The following USP54 variants were observed in gnomAD, a reference collection of about 807,000 sequenced individuals.
USP54 encodes ubiquitin carboxyl-terminal hydrolase 54.
USP54 carries 87 observed loss-of-function variants against 170.5 expected under a neutral mutation model. That is an observed-to-expected ratio of 0.51 (90% CI 0.43 to 0.61). The LOEUF (loss-of-function observed/expected upper bound fraction) is 0.61, where lower values mean the gene tolerates loss of function less well. USP54 is among the 20% of genes least tolerant of loss of function. The pLI, the probability that USP54 is intolerant of heterozygous loss-of-function variation, is 0.00. For synonymous variants in USP54, 655 were observed against 742.8 expected, an observed-to-expected ratio of 0.88 and a Z score of 1.92; for missense variants, 1,786 against 2,047.8, an observed-to-expected ratio of 0.87 and a Z score of 2.47.
chr10:73,517,518 G>A lies in USP54; in HGVS notation c.2908C>T (p.His970Tyr). 1.9e-6 allele frequency: 3 copies of A among 1,614,204 alleles called. No homozygotes were observed. Among genetic ancestry groups the A allele is most frequent in the Non-Finnish European group, 2.5e-6 (3 of 1,180,036 alleles). ...GGTGCTTTAGGTAAACCTTGCCTGT[G>A]GAATGCAGAGGGTTCAATGTTGTCT... ...EVDNIEPSAF[H>Y]RQGLPKAPGW... The change falls in exon 20 of 24, where the codon CAC (histidine) becomes TAC (tyrosine). Residue 970 changes from histidine (H) to tyrosine (Y), a missense_variant. His to Tyr is a moderately conservative substitution (Grantham distance 83). Transcript: ENST00000687698.
chr10:73,533,293 G>A (rs921670466), intron 12 of USP54, among the ~76,000 whole-genome samples: 1 of 151,160 alleles, frequency 6.6e-6, no homozygotes, highest in African/African-American at 2.4e-5. Context: ...GCGACAGAGC[G>A]ACTCCAACTC....
At chr10:73,539,305 AAAAT>A in intron 10 of USP54, 135 bp downstream of exon 10, 2 of 335,774 alleles carry the variant, frequency 6.0e-6, no homozygotes, top group Non-Finnish European at 8.6e-6. Context: ...AAAAAAAAAA[AAAAT>A]ATATATATAT....
intron 11 of USP54, 51 bp from the exon 12 acceptor site, chr10:73,534,821 G>C (rs2064894736): frequency 6.4e-7 from 1 of 1,551,340 alleles, no homozygotes; most frequent in African/African-American, 1.4e-5. Context: ...CAGAACAGTA[G>C]CAAAGAGAAG....
intron 12 of USP54, among the ~76,000 whole-genome samples, chr10:73,531,822 T>A (rs923227014): frequency 6.6e-6 from 1 of 152,188 alleles, no homozygotes; most frequent in African/African-American, 2.4e-5. Flanking sequence ...TTCATGCCCA[T>A]AGTATGCAAA....
At position 73,618,895 on chromosome 10, in the gene USP54, A is replaced by G. The variant is rs906720606; in HGVS notation, c.-18+6672T>C. Among the ~76,000 whole-genome samples, 11 of 150,050 alleles carry G rather than the reference A, an allele frequency of 7.3e-5. 2 individuals carry two copies. Among genetic ancestry groups the G allele is most frequent in the African/African-American group, 2.8e-4 (11 of 39,486 alleles). On this transcript the variant is annotated intron_variant, in intron 1 of 22. Coordinates refer to the USP54 transcript ENST00000339859. Reference sequence around the variant, plus strand: ...CACTGCACTCTAGCCTGGGCAACAGAGCGAGACTCCATCTCAAAAAAAATT... The same window carrying G: ...CACTGCACTCTAGCCTGGGCAACAGGGCGAGACTCCATCTCAAAAAAAATT...
chr10:73,534,373 A>AC (rs2064771383), intron 12 of USP54, among the ~76,000 whole-genome samples: 1 of 149,006 alleles, frequency 6.7e-6, no homozygotes, highest in African/African-American at 2.5e-5. Context: ...TGCCCAACTA[A>AC]TTTTTTTTTT....
intron 4 of USP54, among the ~76,000 whole-genome samples, chr10:73,547,491 G>T (rs2068120234): frequency 6.6e-6 from 1 of 152,124 alleles, no homozygotes; most frequent in Non-Finnish European, 1.5e-5. Flanking sequence ...TATACTACAA[G>T]ACTACAGTAA....
intron 1 of USP54, among the ~76,000 whole-genome samples, chr10:73,618,896 G>A (rs1360841088): frequency 6.7e-6 from 1 of 150,078 alleles, no homozygotes; most frequent in African/African-American, 2.5e-5. Context: ...GGGCAACAGA[G>A]CGAGACTCCA....
At chr10:73,528,540 G>C (rs1230836285) in intron 15 of USP54, among the ~76,000 whole-genome samples, 3 of 151,530 alleles carry the variant, frequency 2.0e-5, no homozygotes, top group African/African-American at 7.3e-5. Flanking sequence ...ACAAGCGTGA[G>C]CTACTGCGGC....
At chr10:73,514,340 A>C (rs2060705110) in intron 20 of USP54, among the ~76,000 whole-genome samples, 1 of 152,090 alleles carries the variant, frequency 6.6e-6, no homozygotes, top group South Asian at 2.1e-4. Flanking sequence ...AGGCGAGTGG[A>C]TCACTTGAGG....
At chr10:73,511,500 A>T (rs946729910) in intron 20 of USP54, among the ~76,000 whole-genome samples, 1 of 151,538 alleles carries the variant, frequency 6.6e-6, no homozygotes, top group Non-Finnish European at 1.5e-5. Context: ...TCTCTACAAA[A>T]TATACAAAAA....
chr10:73,577,262 A>T (rs1295942479), intron 1 of USP54, among the ~76,000 whole-genome samples: 5 of 152,224 alleles, frequency 3.3e-5, no homozygotes, highest in Non-Finnish European at 5.9e-5. Flanking sequence ...ACCATCTAAA[A>T]ACACAAAAAT....
intron 20 of USP54, among the ~76,000 whole-genome samples, chr10:73,510,176 A>G (rs1274622438): frequency 6.6e-6 from 1 of 151,656 alleles, no homozygotes; most frequent in African/African-American, 2.4e-5. Flanking sequence ...CTCTACTAAA[A>G]ATACAAAAAT....
chr10:73,612,393 T>C (rs2080221670), intron 1 of USP54, among the ~76,000 whole-genome samples: 1 of 152,162 alleles, frequency 6.6e-6, no homozygotes, highest in Admixed American at 6.6e-5. Flanking sequence ...ACAGACTTGA[T>C]TTTACAAATT....
At chr10:73,542,007 A>G in intron 7 of USP54, 1 of 437,812 alleles carries the variant, frequency 2.3e-6, no homozygotes, top group Non-Finnish European at 4.1e-6. Flanking sequence ...AAAGAAGGAG[A>G]ACAAAAATTA....
chr10:73,519,729 T>G (rs746541412), intron 19 of USP54, 68 bp downstream of exon 19: 107 of 1,599,192 alleles, frequency 6.7e-5, no homozygotes, highest in Non-Finnish European at 8.6e-5. Flanking sequence ...TGAGAGCTCT[T>G]GCTACAGAAT....
Position 73,541,403 on chromosome 10 carries a change from C to T in USP54, c.797G>A (p.Ser266Asn). 1.2e-6 allele frequency: 2 copies of T among 1,614,160 alleles called. No individual in the cohort carries two copies. The highest frequency in any genetic ancestry group is 1.7e-6 in the Non-Finnish European group (2 of 1,180,022). Residue 266 changes from serine (S) to asparagine (N), a missense_variant, in exon 9 of 24, where the codon AGC becomes AAC. This residue lies in a region of USP54 where 361 missense variants were observed against 455.0 expected (regional missense o/e 0.79). Coordinates refer to ENST00000687698, the MANE Select transcript of USP54 (RefSeq NM_001391956.1). The stretch of plus-strand genomic sequence containing the variant: ...ACCCAGCTTAAGGCAGGTTCCCAGG[C>T]TGTGGATAACATCTTCTGCTAAGTC... ...HSDLAEDVIH[S>N]LGTCLKLGDL...
chr10:73,566,824 T>C (rs368779131), intron 4 of USP54, among the ~76,000 whole-genome samples: 3 of 152,004 alleles, frequency 2.0e-5, no homozygotes, highest in Admixed American at 6.6e-5. Context: ...AGAGATCTGA[T>C]TGAGAAAAAA....
intron 1 of USP54, among the ~76,000 whole-genome samples, chr10:73,581,867 T>A (rs1418420768): frequency 6.6e-6 from 1 of 152,202 alleles, no homozygotes; most frequent in Non-Finnish European, 1.5e-5. Context: ...ATTGAAAAGA[T>A]CATTACAGAT....
Sources: gnomAD v4.1 joint callset for allele counts (sites outside exome capture counted in the v4.1 genomes callset) on GRCh38, gnomAD v4.1.1 for gene constraint, gnomAD v4.1.1 regional missense constraint, MANE v1.5 for transcripts, NCBI Gene and HGNC (gene_info 2026-07-23, HGNC 2026-07-21) for gene names.